The following RBPMS variants were observed in gnomAD, a reference collection of about 807,000 sequenced individuals.
RBPMS encodes the protein RNA binding protein, mRNA processing factor.
In RBPMS, 7 loss-of-function variants were observed where a neutral mutation model predicts 26.8. That is an observed-to-expected ratio of 0.26 (90% CI 0.15 to 0.49). RBPMS has a LOEUF of 0.49. RBPMS is among the 20% of genes least tolerant of loss of function. The pLI, the probability that RBPMS is intolerant of heterozygous loss-of-function variation, is 0.98. For missense variants in RBPMS, 186 were observed against 250.0 expected (o/e 0.74, Z 1.73); for synonymous variants, 96 against 93.3 (o/e 1.03, Z -0.17).
At chr8:30,570,235 C>T (rs1035318933) in intron 8 of RBPMS, among the ~76,000 whole-genome samples, 3 of 152,152 alleles carry the variant, frequency 2.0e-5, no homozygotes, top group Non-Finnish European at 2.9e-5. Flanking sequence ...TGGCCTCTTT[C>T]GGCACACAAA....
intron 1 of RBPMS, among the ~76,000 whole-genome samples, chr8:30,409,735 C>T (rs984776606): frequency 2.0e-5 from 3 of 152,026 alleles, no homozygotes; most frequent in Admixed American, 2.0e-4. Flanking sequence ...CTGGTTCAAG[C>T]GATTCTCCTG....
intron 8 of RBPMS, among the ~76,000 whole-genome samples, chr8:30,569,095 G>A (rs1003144842): frequency 1.1e-4 from 16 of 152,212 alleles, no homozygotes; most frequent in African/African-American, 3.6e-4. Flanking sequence ...CATCAGGGCT[G>A]CAGCTACCCA....
intron 7 of RBPMS, 56 bp from the exon 8 acceptor site, chr8:30,566,201 C>T: frequency 2.1e-6 from 2 of 954,278 alleles, no homozygotes; most frequent in Non-Finnish European, 2.5e-6. Flanking sequence ...AAGACCGAGG[C>T]AGCCCCAGGT....
intron 4 of RBPMS, among the ~76,000 whole-genome samples, chr8:30,483,416 G>A (rs1478163412): frequency 6.6e-6 from 1 of 152,090 alleles, no homozygotes; most frequent in Non-Finnish European, 1.5e-5. Context: ...TTAGGCTAGT[G>A]TAGTAATTTG....
intron 5 of RBPMS, among the ~76,000 whole-genome samples, chr8:30,541,282 T>C (rs1468247317): frequency 6.6e-6 from 1 of 152,172 alleles, no homozygotes; most frequent in Non-Finnish European, 1.5e-5. Context: ...GCTTAAACCT[T>C]CATCAGACGC....
At chr8:30,530,959 G>A (rs750615805) in intron 5 of RBPMS, among the ~76,000 whole-genome samples, 5 of 151,874 alleles carry the variant, frequency 3.3e-5, no homozygotes, top group African/African-American at 4.8e-5. Context: ...CATGCAAACC[G>A]TATGTATAAG....
At chr8:30,503,907 T>G (rs529135268) in intron 4 of RBPMS, among the ~76,000 whole-genome samples, 2 of 152,344 alleles carry the variant, frequency 1.3e-5, no homozygotes, top group African/African-American at 4.8e-5. Context: ...TGTCTGTGAT[T>G]TGTTTTACTG....
chr8:30,546,179 ATGGT>A (rs1825853224), intron 6 of RBPMS, among the ~76,000 whole-genome samples: 2 of 152,136 alleles, frequency 1.3e-5, no homozygotes, highest in Non-Finnish European at 2.9e-5. Context: ...CCTGCTCTGG[ATGGT>A]GTCTCCTCTT....
intron 1 of RBPMS, among the ~76,000 whole-genome samples, chr8:30,443,879 G>A (rs1035747012): frequency 1.3e-5 from 2 of 151,814 alleles, no homozygotes; most frequent in Non-Finnish European, 2.9e-5. Context: ...ACAGGTGTGA[G>A]CCACCGCGCC....
chr8:30,562,560 T>C (rs1490645348), intron 7 of RBPMS, among the ~76,000 whole-genome samples: 1 of 152,186 alleles, frequency 6.6e-6, no homozygotes, highest in Admixed American at 6.5e-5. Flanking sequence ...TCTAGTCTCT[T>C]GGATCAAGTC....
At chr8:30,385,621 T>C (rs1437695342) in intron 1 of RBPMS, among the ~76,000 whole-genome samples, 1 of 152,076 alleles carries the variant, frequency 6.6e-6, no homozygotes, top group African/African-American at 2.4e-5. Flanking sequence ...GTGTTAAAAG[T>C]TCTTGGTGAA....
At chr8:30,446,015 A>G (rs988453380) in intron 1 of RBPMS, among the ~76,000 whole-genome samples, 2 of 152,244 alleles carry the variant, frequency 1.3e-5, no homozygotes, top group South Asian at 4.1e-4. Flanking sequence ...CAATGAAATC[A>G]GTGAAGACAC....
chr8:30,494,394 A>G (rs568078485), intron 4 of RBPMS, among the ~76,000 whole-genome samples: 16 of 152,340 alleles, frequency 1.1e-4, no homozygotes, highest in Admixed American at 3.3e-4. Context: ...GCACTGGGCC[A>G]TAGGGATTAG....
chr8:30,411,664 G>GAAAAAA (rs796071124), intron 1 of RBPMS, among the ~76,000 whole-genome samples: 1 of 28,202 alleles, frequency 3.5e-5, no homozygotes, highest in Non-Finnish European at 7.0e-5. Flanking sequence ...CCCTGTCTCA[G>GAAAAAA]AAAAAAAAAA....
At chr8:30,563,172 T>C (rs899382879) in intron 7 of RBPMS, among the ~76,000 whole-genome samples, 1 of 151,118 alleles carries the variant, frequency 6.6e-6, no homozygotes, top group African/African-American at 2.5e-5. Context: ...AGCAAGGCCA[T>C]CAGGAGAGGG....
At chr8:30,569,720 A>G (rs1222861100) in intron 8 of RBPMS, among the ~76,000 whole-genome samples, 3 of 152,162 alleles carry the variant, frequency 2.0e-5, no homozygotes, top group African/African-American at 7.2e-5. Context: ...GTGGAGTGGA[A>G]GGAGCAGATG....
rs569200536 is a variant in RBPMS at position 30,569,103 on chromosome 8, C to G, written c.*112-1534C>G. 2.0e-3 allele frequency among the ~76,000 whole-genome samples: 307 copies of G among 152,312 alleles called. 2 individuals carry two copies. The highest frequency in any genetic ancestry group is 7.1e-3 in the African/African-American group (296 of 41,576). ...TCCCCCTCATCAGGGCTGCAGCTAC[C>G]CATGGAGGCTCAGGGTGCCCCTGGG... On this transcript the variant is annotated intron_variant, in intron 8 of 8. Coordinates refer to ENST00000397323, the MANE Select transcript of RBPMS (RefSeq NM_001008710.3).
chr8:30,484,171 A>G (rs1332908721), intron 4 of RBPMS, among the ~76,000 whole-genome samples: 1 of 152,118 alleles, frequency 6.6e-6, no homozygotes, highest in East Asian at 1.9e-4. Flanking sequence ...AATTTTTTCC[A>G]TAGTGGTTGC....
rs945702303 is a variant in RBPMS at position 30,545,278 on chromosome 8, TAAAC to T, written c.528+659_528+662del. On this transcript the variant is annotated intron_variant, in intron 6 of 8. Transcript: ENST00000397323. ...TTAGTTAAAAATAGCCTGATTTTTA[TAAAC>T]AAACTTCCTGTTTCTCCGCAAAGAT... is the stretch of plus-strand genomic sequence containing the variant. 2.5e-6 allele frequency: 3 copies of T among 1,207,158 alleles called. No homozygotes were observed. In the Admixed American group the frequency reaches 1.1e-4, roughly 44 times the overall value. The allele number at this position is 1,207,158 out of a possible 1,614,324, so 74.8% of individuals were successfully genotyped here. A position where few individuals can be genotyped will look rare whatever the true frequency, so the allele number is the denominator to read the frequency against.
Sources: gnomAD v4.1 joint callset for allele counts (sites outside exome capture counted in the v4.1 genomes callset) on GRCh38, gnomAD v4.1.1 for gene constraint, MANE v1.5 for transcripts, NCBI Gene and HGNC (gene_info 2026-07-23, HGNC 2026-07-21) for gene names.